The following TSPEAR variants were observed in gnomAD, a reference collection of about 807,000 sequenced individuals.
TSPEAR encodes the protein thrombospondin type laminin G domain and EAR repeats.
Under a neutral mutation model 71.6 loss-of-function variants are expected in TSPEAR, and 69 were observed. The ratio of observed to expected loss-of-function variants is 0.96; its 90% CI spans 0.79 to 1.18. The LOEUF (loss-of-function observed/expected upper bound fraction) is 1.18, where lower values mean the gene tolerates loss of function less well. Ranked by LOEUF, TSPEAR falls within the 50% of genes most tolerant of loss-of-function variation. TSPEAR has a pLI of 0.00. For missense variants in TSPEAR, 971 were observed against 894.9 expected, an observed-to-expected ratio of 1.09 and a Z score of -1.09; for synonymous variants, 402 against 387.2, an observed-to-expected ratio of 1.04 and a Z score of -0.45.
chr21:44,535,687 C>A (rs1254099846), intron 2 of TSPEAR, among the ~76,000 whole-genome samples: 1 of 152,276 alleles, frequency 6.6e-6, no homozygotes, highest in African/African-American at 2.4e-5. Flanking sequence ...CTGACTCAGC[C>A]TCCAAAGTAG....
At chr21:44,676,395 G>A (rs1198867899) in intron 1 of TSPEAR, 127 of 1,127,692 alleles carry the variant, frequency 1.1e-4, no homozygotes, top group Non-Finnish European at 9.0e-5. Flanking sequence ...CTGCAGATGA[G>A]GTCTTCATGC....
At chr21:44,558,310 A>T (rs782623997) in intron 2 of TSPEAR, 1 of 1,613,974 alleles carries the variant, frequency 6.2e-7, no homozygotes, top group African/African-American at 1.3e-5. Flanking sequence ...TGCTGGCAGC[A>T]TGAAGAGGAA....
chr21:44,651,706 C>T (rs1555941458), intron 1 of TSPEAR, among the ~76,000 whole-genome samples: 1 of 152,292 alleles, frequency 6.6e-6, no homozygotes, highest in South Asian at 2.1e-4. Context: ...TTATGGTCCA[C>T]ACATATTAAG....
rs1982883830 is a variant in TSPEAR, at chr21:44,627,330, A to ACC, written c.83-59326_83-59325insGG. The ACC allele has an allele frequency of 1.9e-6, 3 of 1,613,070 alleles. No individual in the cohort carries two copies. In the African/African-American group the frequency reaches 4.0e-5, roughly 22 times the overall value. ...TGGTCTGCACCCCAGTGAGCCGTGT[A>ACC]TCCAGCCCCTGCTGCCAGGTGACCT... is the stretch of plus-strand genomic sequence containing the variant. On this transcript the variant is annotated intron_variant, in intron 1 of 11. Transcript: ENST00000323084.
chr21:44,587,713 T>C (rs1175722837), intron 1 of TSPEAR, among the ~76,000 whole-genome samples: 1 of 151,996 alleles, frequency 6.6e-6, no homozygotes, highest in African/African-American at 2.4e-5. Context: ...AACCCAGAAA[T>C]AAACCCAAAT....
intron 8 of TSPEAR, among the ~76,000 whole-genome samples, chr21:44,523,464 C>T (rs186988103): frequency 2.8e-3 from 398 of 144,704 alleles, no homozygotes; most frequent in Middle Eastern, 0.01. Flanking sequence ...ATAAGGTAAT[C>T]AGTCAGTCAG....
At chr21:44,708,040 CA>C (rs1988027125) in intron 1 of TSPEAR, among the ~76,000 whole-genome samples, 1 of 128,136 alleles carries the variant, frequency 7.8e-6, no homozygotes, top group Non-Finnish European at 1.7e-5. Context: ...CACACACACA[CA>C]CACACCACAC....
At chr21:44,697,798 C>A in intron 1 of TSPEAR, 1 of 1,613,802 alleles carries the variant, frequency 6.2e-7, no homozygotes, top group African/African-American at 1.3e-5. Flanking sequence ...CCCTCCTCTG[C>A]CGCCCTGTGT....
At chr21:44,591,852 C>A in intron 1 of TSPEAR, 1 of 1,607,170 alleles carries the variant, frequency 6.2e-7, no homozygotes, top group East Asian at 2.3e-5. Context: ...GGCAGCTAGA[C>A]TGCTGGCAGC....
intron 1 of TSPEAR, chr21:44,654,429 C>A: frequency 6.2e-7 from 1 of 1,614,124 alleles, no homozygotes. Flanking sequence ...AGGGGCTGGG[C>A]ACACAGCAGG....
At chr21:44,668,212 G>C (rs1447121597) in intron 1 of TSPEAR, among the ~76,000 whole-genome samples, 1 of 152,066 alleles carries the variant, frequency 6.6e-6, no homozygotes, top group Admixed American at 6.5e-5. Flanking sequence ...AAAGTAGCAG[G>C]ATACAAAAGC....
At chr21:44,607,673 A>T (rs1981400766) in intron 1 of TSPEAR, among the ~76,000 whole-genome samples, 1 of 152,184 alleles carries the variant, frequency 6.6e-6, no homozygotes, top group Admixed American at 6.5e-5. Flanking sequence ...CACATCCATA[A>T]ACATGACTCA....
intron 1 of TSPEAR, among the ~76,000 whole-genome samples, chr21:44,585,838 T>A (rs1452684799): frequency 6.6e-6 from 1 of 152,264 alleles, no homozygotes; most frequent in African/African-American, 2.4e-5. Flanking sequence ...TGTGATTTCC[T>A]CATGCGTCTG....
chr21:44,585,756 C>T (rs1204308697), intron 1 of TSPEAR, among the ~76,000 whole-genome samples: 2 of 152,196 alleles, frequency 1.3e-5, no homozygotes, highest in Non-Finnish European at 2.9e-5. Context: ...GCACTCTCTT[C>T]TTGTTTCATG....
At position 44,653,452 on chromosome 21, in the gene TSPEAR, C is replaced by T. The variant is rs142687871; in HGVS notation, c.82+57981G>A. On this transcript the variant is annotated intron_variant, in intron 1 of 11. Coordinates refer to ENST00000323084, the MANE Select transcript of TSPEAR (RefSeq NM_144991.3). ...GAGCCGGAATCTCTGACAGAGCTGC[C>T]CCCGGCTAGAAACCTCACTCTTCTA... 3.8e-3 allele frequency among the ~76,000 whole-genome samples: 576 copies of T among 152,270 alleles called. 1 individual carries two copies. Among genetic ancestry groups the T allele is most frequent in the African/African-American group, 0.013 (552 of 41,548 alleles).
chr21:44,675,801 A>G (rs1162816005), intron 1 of TSPEAR: 1 of 562,976 alleles, frequency 1.8e-6, no homozygotes, highest in Non-Finnish European at 3.2e-6. Flanking sequence ...CCTTGCGGCA[A>G]ACCCTTCATG....
At position 44,499,860 on chromosome 21, in the gene TSPEAR, T is replaced by C. The variant is rs2051992111; in HGVS notation, c.1933A>G (p.Thr645Ala). Residue 645 changes from threonine (T) to alanine (A), a missense_variant, in exon 12 of 12, where the codon ACC becomes GCC. Physicochemically the swap from Thr to Ala is moderately conservative, Grantham distance 58. Transcript: ENST00000323084. ...TAGATGAGGTAGGCACCAGCCGTGG[T>C]GCTGAAGGCCTCCCAGTCCCTGCAG... ...VGCRDWEAFS[T>A]TAGAYLIYSS... 6.2e-7 allele frequency: 1 copy of C among 1,603,448 alleles called. No individual in the cohort carries two copies.
At chr21:44,703,063 T>C (rs1270700932) in intron 1 of TSPEAR, among the ~76,000 whole-genome samples, 4 of 151,714 alleles carry the variant, frequency 2.6e-5, no homozygotes, top group African/African-American at 7.3e-5. Context: ...AGGAGGTCCC[T>C]GGCCCCCCCT....
At chr21:44,677,302 G>A in intron 1 of TSPEAR, 1 of 873,738 alleles carries the variant, frequency 1.1e-6, no homozygotes, top group Non-Finnish European at 1.9e-6. Context: ...TGCACTGTGT[G>A]CCACTTAGCA....
Sources: allele counts gnomAD v4.1 joint callset (sites outside exome capture counted in the v4.1 genomes callset), GRCh38; gene constraint gnomAD v4.1.1; transcripts MANE v1.5; gene names NCBI Gene and HGNC (gene_info 2026-07-23, HGNC 2026-07-21).